MPST: variants seen among roughly 807,000 people sequenced by gnomAD.
The protein encoded by MPST is mercaptopyruvate sulfurtransferase.
In MPST, 27 loss-of-function variants were observed where a neutral mutation model predicts 28.5. The ratio of observed to expected loss-of-function variants is 0.95; its 90% CI spans 0.70 to 1.31. The LOEUF is 1.31. Ranked by LOEUF, MPST falls within the 50% of genes most tolerant of loss-of-function variation. The pLI is 0.00. For missense variants in MPST, 492 were observed against 471.1 expected (o/e 1.04, Z -0.41); for synonymous variants, 204 against 209.3 (o/e 0.97, Z 0.22).
intron 1 of MPST, chr22:37,023,209 G>C (rs1216577887): frequency 1.3e-5 from 2 of 152,342 alleles, no homozygotes; most frequent in African/African-American, 2.4e-5. Flanking sequence ...GTGCCAGACT[G>C]ACTGCCTAGT....
At chr22:37,024,099 C>A (rs1215938068) in intron 1 of MPST, 93 bp from the exon 2 acceptor site, 1 of 1,278,218 alleles carries the variant, frequency 7.8e-7, no homozygotes, top group Non-Finnish European at 1.0e-6. Context: ...GGCCGCACCT[C>A]CCCCGCCGGC....
At chr22:37,024,040 C>CG (rs1453851384) in intron 1 of MPST, 152 bp from the exon 2 acceptor site, 1 of 1,266,596 alleles carries the variant, frequency 7.9e-7, no homozygotes, top group African/African-American at 1.6e-5. Context: ...CCTTTGTGCC[C>CG]GGGTTCACCA....
chr22:37,023,697 G>T, intron 1 of MPST: 1 of 956,042 alleles, frequency 1.0e-6, no homozygotes, highest in Non-Finnish European at 1.3e-6. Context: ...GATATTGTTA[G>T]GATTCAGTGG....
At chr22:37,028,224 GACCCCATGTCTATAAAA>G (rs1407325676) in intron 2 of MPST, 1 of 151,940 alleles carries the variant, frequency 6.6e-6, no homozygotes, top group Non-Finnish European at 1.5e-5. Flanking sequence ...CACATACTGA[GACCCCATGTCTATAAAA>G]ACCAAATTAG....
At chr22:37,021,542 G>A (rs1233296071) in intron 1 of MPST, among the ~76,000 whole-genome samples, 3 of 151,870 alleles carry the variant, frequency 2.0e-5, no homozygotes, top group Non-Finnish European at 4.4e-5. Context: ...GCGCGATCTC[G>A]GCTCACTGTA....
chr22:37,021,724 G>A (rs530838046), intron 1 of MPST, among the ~76,000 whole-genome samples: 2 of 152,214 alleles, frequency 1.3e-5, no homozygotes, highest in African/African-American at 4.8e-5. Context: ...GCCCGCCTTG[G>A]CCTCCCGAAG....
At chr22:37,025,647 G>A (rs1164812757) in intron 2 of MPST, 1 of 153,524 alleles carries the variant, frequency 6.5e-6, no homozygotes, top group African/African-American at 2.4e-5. Flanking sequence ...TCATTGCACA[G>A]AGGAGGAAAT....
chr22:37,026,413 A>G (rs541833890), intron 2 of MPST: 1 of 152,294 alleles, frequency 6.6e-6, no homozygotes, highest in South Asian at 2.1e-4. Context: ...CAGTCGCACT[A>G]GCTCATCTAT....
In MPST at chr22:37,024,293, G is replaced by T; in HGVS notation, c.138G>T (p.Gly46=). The T allele has an allele frequency of 2.6e-6, 4 of 1,522,186 alleles. No homozygotes were observed. The highest frequency in any genetic ancestry group is 3.5e-6 in the Non-Finnish European group (4 of 1,139,244). 94.3% of individuals were successfully genotyped at this position (1,522,186 alleles called of 1,614,324 possible). Residue 46 remains glycine (G), a synonymous_variant, in exon 2 of 3, where the codon GGG becomes GGT. Coordinates refer to ENST00000429360, the MANE Select transcript of MPST (RefSeq NM_021126.8). ...VAEALRAPRA[G]QPLQLLDASW... ...AGGCGCTGCGGGCCCCGCGCGCTGG[G>T]CAGCCTCTGCAGCTGCTGGACGCCT... is the stretch of plus-strand genomic sequence containing the variant.
chr22:37,024,276 C>T lies in MPST; in HGVS notation c.121C>T (p.Arg41Trp). The T allele has an allele frequency of 2.0e-6, 3 of 1,485,524 alleles. No individual in the cohort carries two copies. Among genetic ancestry groups the T allele is most frequent in the Admixed American group, 2.4e-5 (1 of 41,126 alleles). 92.0% of individuals were successfully genotyped at this position (1,485,524 alleles called of 1,614,324 possible). A position where few individuals can be genotyped will look rare whatever the true frequency, so the allele number is the denominator to read the frequency against. The change falls in exon 2 of 3, where the codon CGG becomes TGG. Residue 41 changes from arginine (R) to tryptophan (W), a missense_variant. Transcript: ENST00000429360. ...GGCGCAATGGGTGGCGGAGGCGCTG[C>T]GGGCCCCGCGCGCTGGGCAGCCTCT... ...VSAQWVAEAL[R>W]APRAGQPLQL...
chr22:37,024,396 G>A lies in MPST; in HGVS notation c.241G>A (p.Asp81Asn), dbSNP rs1442526745. 1 of 1,544,626 alleles carries A rather than the reference G, an allele frequency of 6.5e-7. No individual in the cohort carries two copies. Among genetic ancestry groups the A allele is most frequent in the Non-Finnish European group, 8.7e-7 (1 of 1,145,308 alleles). ...ERHIPGAAFFDIDQCSDRTSP... is the reference protein window; with the variant it reads ...ERHIPGAAFFNIDQCSDRTSP... ...CCACATCCCGGGCGCCGCTTTCTTC[G>A]ACATCGACCAGTGCAGCGACCGCAC... Residue 81 changes from aspartate (D) to asparagine (N), a missense_variant, in exon 2 of 3, where the codon GAC (aspartate) becomes AAC (asparagine). Coordinates refer to ENST00000429360, the MANE Select transcript of MPST (RefSeq NM_021126.8).
Position 37,029,379 on chromosome 22 carries a change from A to G in MPST, c.819A>G (p.Thr273=), listed in dbSNP as rs1923739883. 1.2e-6 allele frequency: 2 copies of G among 1,614,016 alleles called. No homozygotes were observed. The highest frequency in any genetic ancestry group is 8.5e-7 in the Non-Finnish European group (1 of 1,180,046). Residue 273 remains threonine, a synonymous_variant, in exon 3 of 3, where the codon ACA becomes ACG. Transcript: ENST00000429360. The part of the protein sequence containing the change: ...PLVATCGSGV[T]ACHVALGAYL... ...TGGCCACGTGTGGCTCTGGCGTCACAGCCTGCCACGTGGCACTAGGGGCCT... is the reference window on the plus strand; with the variant it reads ...TGGCCACGTGTGGCTCTGGCGTCACGGCCTGCCACGTGGCACTAGGGGCCT...
At chr22:37,024,865 A>C in intron 2 of MPST, 55 bp downstream of exon 2, 1 of 1,581,308 alleles carries the variant, frequency 6.3e-7, no homozygotes, top group Non-Finnish European at 8.6e-7. Context: ...CTACGCCCTG[A>C]GCAGTGCCCT....
At position 37,024,712 on chromosome 22, in the gene MPST, A is replaced by G; in HGVS notation, c.557A>G (p.Tyr186Cys). The change falls in exon 2 of 3, where the codon TAC becomes TGC. Residue 186 changes from tyrosine to cysteine, a missense_variant. Tyr to Cys is a radical substitution (Grantham distance 194). Transcript: ENST00000429360. ...CTCGACCCCGCCTTCATCAAGACCT[A>G]CGAGGACATCAAGGAGAACCTGGAA... ...AQLDPAFIKT[Y>C]EDIKENLESR... 1 of 1,599,986 alleles carries G rather than the reference A, an allele frequency of 6.3e-7. No individual in the cohort carries two copies. Among genetic ancestry groups the G allele is most frequent in the Non-Finnish European group, 8.5e-7 (1 of 1,179,758 alleles).
In MPST at chr22:37,024,633, C is replaced by T; in HGVS notation, c.478C>T (p.Leu160Phe). ...CCTCCGCCACTGGCTGCGCCAGAAC[C>T]TCCCGCTCAGCTCCGGCAAGAGCCA... ...GGLRHWLRQN[L>F]PLSSGKSQPA... The change falls in exon 2 of 3, where the codon CTC (leucine) becomes TTC (phenylalanine). Residue 160 changes from leucine (L) to phenylalanine (F), a missense_variant. Leu to Phe is a conservative substitution (Grantham distance 22). Coordinates refer to ENST00000429360, the MANE Select transcript of MPST (RefSeq NM_021126.8). The T allele has an allele frequency of 6.3e-7, 1 of 1,593,920 alleles. No individual in the cohort carries two copies. The highest frequency in any genetic ancestry group is 8.5e-7 in the Non-Finnish European group (1 of 1,175,436).
At chr22:37,024,081 C>A (rs1923277731) in intron 1 of MPST, 111 bp from the exon 2 acceptor site, 2 of 1,261,436 alleles carry the variant, frequency 1.6e-6, no homozygotes, top group Non-Finnish European at 2.1e-6. Flanking sequence ...TGGACTCTGC[C>A]CTGCACGGGC....
At chr22:37,020,745 G>A (rs1179492485) in intron 1 of MPST, among the ~76,000 whole-genome samples, 3 of 152,094 alleles carry the variant, frequency 2.0e-5, no homozygotes, top group Admixed American at 1.3e-4. Context: ...TGCAACCTCC[G>A]CCTCCCAGGC....
At position 37,019,772 on chromosome 22, in the gene MPST, CAGGTTGGTGGCGGG is replaced by C. The variant is rs1007007110; in HGVS notation, c.-61_-48del. The C allele has an allele frequency of 3.3e-5, 24 of 734,512 alleles. No individual in the cohort carries two copies. Among genetic ancestry groups the C allele is most frequent in the Non-Finnish European group, 4.3e-5 (23 of 533,794 alleles). 45.5% of individuals were successfully genotyped at this position (734,512 alleles called of 1,614,324 possible). ...GGAGTCTCCTCCCTTTGGTCCGCTG[CAGGTTGGTGGCGGG>C]AGGAGGGGACAGCTGCGGGCGCGGG... On this transcript the variant is annotated 5_prime_UTR_variant, in exon 1 of 3. Coordinates refer to ENST00000429360, the MANE Select transcript of MPST (RefSeq NM_021126.8).
chr22:37,024,102 C>G (rs749191647), intron 1 of MPST, 90 bp from the exon 2 acceptor site: 2 of 1,292,804 alleles, frequency 1.5e-6, no homozygotes, highest in Non-Finnish European at 2.0e-6. Flanking sequence ...CGCACCTCCC[C>G]CGCCGGCCCT....
Sources: gnomAD v4.1 joint callset for allele counts (sites outside exome capture counted in the v4.1 genomes callset) on GRCh38, gnomAD v4.1.1 for gene constraint, MANE v1.5 for transcripts, NCBI Gene and HGNC (gene_info 2026-07-23, HGNC 2026-07-21) for gene names.